Variants in RBFOX1 observed in about 807,000 individuals in gnomAD.
The protein encoded by RBFOX1 is RNA binding fox-1 homolog 1, also known as RNA binding protein fox-1 homolog 1.
Under a neutral mutation model 57.7 loss-of-function variants are expected in RBFOX1, and 8 were observed. The observed-to-expected ratio is 0.14, with a 90% confidence interval of 0.08 to 0.25. The LOEUF (loss-of-function observed/expected upper bound fraction) is 0.25, where lower values mean the gene tolerates loss of function less well. Among genes scored for constraint, RBFOX1 ranks in the 10% least tolerant of loss-of-function variants. The pLI, the probability that RBFOX1 is intolerant of heterozygous loss-of-function variation, is 1.00. For synonymous variants in RBFOX1, 326 were observed against 222.4 expected (o/e 1.47, Z -4.15); for missense variants, 611 against 548.5 (o/e 1.11, Z -1.14).
At chr16:6,087,246 T>C (rs746215538) in intron 1 of RBFOX1, among the ~76,000 whole-genome samples, 4 of 152,210 alleles carry the variant, frequency 2.6e-5, no homozygotes, top group Non-Finnish European at 2.9e-5. Context: ...AACGAAAAGG[T>C]GTTTCCTTAG....
chr16:5,969,298 C>CTTTTTTTTTTTT (rs71142659), intron 4 of RBFOX1, among the ~76,000 whole-genome samples: 26 of 83,752 alleles, frequency 3.1e-4, no homozygotes, highest in South Asian at 5.1e-4. Context: ...TTCGGTTGTT[C>CTTTTTTTTTTTT]TTTTTTTTTT....
chr16:5,970,148 A>G (rs2152298093), intron 4 of RBFOX1, among the ~76,000 whole-genome samples: 1 of 152,188 alleles, frequency 6.6e-6, no homozygotes, highest in South Asian at 2.1e-4. Flanking sequence ...CCTGTCACAT[A>G]GAGGAGGGTA....
chr16:6,646,779 A>G (rs2061012160), intron 2 of RBFOX1, among the ~76,000 whole-genome samples: 1 of 152,156 alleles, frequency 6.6e-6, no homozygotes, highest in Non-Finnish European at 1.5e-5. Flanking sequence ...GTTTCTGTTT[A>G]GGTTGCTTAG....
chr16:6,404,128 AAT>A (rs1404382977), intron 2 of RBFOX1, among the ~76,000 whole-genome samples: 1 of 152,174 alleles, frequency 6.6e-6, no homozygotes, highest in African/African-American at 2.4e-5. Flanking sequence ...AGATCGAAAA[AAT>A]ATATATTTTA....
At chr16:5,699,113 G>A (rs1596815976) in intron 3 of RBFOX1, among the ~76,000 whole-genome samples, 2 of 150,812 alleles carry the variant, frequency 1.3e-5, no homozygotes, top group South Asian at 2.1e-4. Flanking sequence ...TCAGCCTCCC[G>A]AGCAGCTGGG....
At chr16:6,772,928 T>TTGTG (rs144015995) in intron 3 of RBFOX1, among the ~76,000 whole-genome samples, 1 of 109,532 alleles carries the variant, frequency 9.1e-6, no homozygotes, top group African/African-American at 3.6e-5. Context: ...TGGAGTACAT[T>TTGTG]TGTGTGTGTG....
chr16:7,017,471 A>G (rs1199758476), intron 3 of RBFOX1, among the ~76,000 whole-genome samples: 1 of 152,064 alleles, frequency 6.6e-6, no homozygotes. Context: ...TGACGCGCGC[A>G]CACATGCTTG....
intron 4 of RBFOX1, among the ~76,000 whole-genome samples, chr16:7,182,877 C>A (rs2083001403): frequency 6.6e-6 from 1 of 152,098 alleles, no homozygotes; most frequent in Non-Finnish European, 1.5e-5. Context: ...CTATGTCTTC[C>A]AAAGATCTTC....
At chr16:6,592,038 C>T (rs1332409521) in intron 2 of RBFOX1, among the ~76,000 whole-genome samples, 2 of 152,154 alleles carry the variant, frequency 1.3e-5, no homozygotes, top group Non-Finnish European at 2.9e-5. Context: ...TAAAACTTAA[C>T]AGTTTCAGAC....
chr16:7,043,176 G>C (rs144290847), intron 3 of RBFOX1, among the ~76,000 whole-genome samples: 1 of 152,232 alleles, frequency 6.6e-6, no homozygotes, highest in East Asian at 1.9e-4. Context: ...CTCAGCTCCA[G>C]AAACAACTGA....
intron 3 of RBFOX1, among the ~76,000 whole-genome samples, chr16:6,960,764 C>G (rs1350087869): frequency 6.6e-6 from 1 of 151,976 alleles, no homozygotes; most frequent in Admixed American, 6.6e-5. Flanking sequence ...AGACTTTGAG[C>G]TCTTCAATCA....
intron 3 of RBFOX1, among the ~76,000 whole-genome samples, chr16:5,622,977 T>G (rs527442046): frequency 2.0e-5 from 3 of 152,306 alleles, no homozygotes; most frequent in African/African-American, 7.2e-5. Context: ...GTTTGAAGTA[T>G]ATGGGAGGAT....
intron 4 of RBFOX1, among the ~76,000 whole-genome samples, chr16:5,893,333 A>G (rs546659851): frequency 3.3e-4 from 51 of 152,364 alleles, no homozygotes; most frequent in African/African-American, 1.2e-3. Flanking sequence ...AGAAAGAATG[A>G]ATAAGACCTA....
chr16:5,903,545 A>G (rs529334472), intron 4 of RBFOX1, among the ~76,000 whole-genome samples: 1 of 152,300 alleles, frequency 6.6e-6, no homozygotes, highest in South Asian at 2.1e-4. Context: ...GTGGATAGAA[A>G]GGAGACAGGC....
intron 2 of RBFOX1, among the ~76,000 whole-genome samples, chr16:6,599,413 T>C (rs1306354391): frequency 6.6e-6 from 1 of 152,078 alleles, no homozygotes; most frequent in Non-Finnish European, 1.5e-5. Context: ...TCTGGGAACA[T>C]ACACCATCTA....
At chr16:5,990,640 G>T (rs750493509) in intron 4 of RBFOX1, among the ~76,000 whole-genome samples, 7 of 152,134 alleles carry the variant, frequency 4.6e-5, no homozygotes, top group Non-Finnish European at 1.0e-4. Context: ...TGCGGTGTAT[G>T]GGGAAGGTGG....
chr16:6,687,910 C>T (rs185787654), intron 3 of RBFOX1, among the ~76,000 whole-genome samples: 59 of 152,200 alleles, frequency 3.9e-4, no homozygotes, highest in South Asian at 1.5e-3. Flanking sequence ...TATTTCTCTC[C>T]ACCGTATTTT....
chr16:6,511,741 G>C (rs1208998347), intron 2 of RBFOX1, among the ~76,000 whole-genome samples: 1 of 152,204 alleles, frequency 6.6e-6, no homozygotes, highest in African/African-American at 2.4e-5. Flanking sequence ...ATGCACTATA[G>C]ATGGATTTTA....
intron 1 of RBFOX1, among the ~76,000 whole-genome samples, chr16:6,035,282 G>A (rs1205507516): frequency 6.6e-6 from 1 of 152,206 alleles, no homozygotes; most frequent in African/African-American, 2.4e-5. Context: ...GGTGGCTGAT[G>A]TCAGGGCATC....
Sources: allele counts gnomAD v4.1 joint callset (sites outside exome capture counted in the v4.1 genomes callset), GRCh38; gene constraint gnomAD v4.1.1; transcripts MANE v1.5; gene names NCBI Gene and HGNC (gene_info 2026-07-23, HGNC 2026-07-21).